Variants in TENM2 observed in about 807,000 individuals in gnomAD.
TENM2 encodes teneurin transmembrane protein 2.
A neutral mutation model predicts 245.2 loss-of-function variants in TENM2; 52 were observed. The observed-to-expected ratio is 0.21, with a 90% confidence interval of 0.17 to 0.27. TENM2 has a LOEUF of 0.27. Ranked by LOEUF, TENM2 falls within the 10% of genes least tolerant of loss-of-function variation. TENM2 has a pLI of 1.00. For missense variants in TENM2, 3,046 were observed against 3,666.8 expected (o/e 0.83, Z 4.37); for synonymous variants, 1,363 against 1,438.9 (o/e 0.95, Z 1.19).
chr5:167,433,940 A>T (rs542565665), intron 2 of TENM2, among the ~76,000 whole-genome samples: 1 of 152,292 alleles, frequency 6.6e-6, no homozygotes, highest in South Asian at 2.1e-4. Flanking sequence ...GTATAGATGT[A>T]ACTACAAAAT....
chr5:167,008,906 C>T, the TENM2 span, among the ~76,000 whole-genome samples: 1 of 152,210 alleles, frequency 6.6e-6, no homozygotes, highest in East Asian at 1.9e-4. Flanking sequence ...TTAGGGATTC[C>T]CACAACAAAG....
intron 2 of TENM2, among the ~76,000 whole-genome samples, chr5:167,753,644 G>T (rs1332816180): frequency 6.6e-6 from 1 of 152,160 alleles, no homozygotes; most frequent in Non-Finnish European, 1.5e-5. Context: ...TAAGTCACTT[G>T]CCTAAAATCA....
chr5:167,597,473 T>G (rs755239948), intron 2 of TENM2, among the ~76,000 whole-genome samples: 3 of 152,144 alleles, frequency 2.0e-5, no homozygotes, highest in Non-Finnish European at 2.9e-5. Context: ...TGAGCCACCA[T>G]GCCCCATCCC....
At chr5:167,569,078 CTTTTTTTTTT>C (rs34311803) in intron 2 of TENM2, among the ~76,000 whole-genome samples, 3 of 48,966 alleles carry the variant, frequency 6.1e-5, no homozygotes, top group East Asian at 6.7e-4. Flanking sequence ...CTTCCTACAG[CTTTTTTTTTT>C]TTTTTTTTTT....
chr5:167,478,979 ACTT>A (rs543479885), intron 2 of TENM2, among the ~76,000 whole-genome samples: 91 of 48,220 alleles, frequency 1.9e-3, no homozygotes, highest in African/African-American at 6.3e-3. Flanking sequence ...GCATATGACT[ACTT>A]TATATATATG....
chr5:167,671,884 T>C (rs1033488932), intron 2 of TENM2, among the ~76,000 whole-genome samples: 4 of 151,946 alleles, frequency 2.6e-5, no homozygotes, highest in African/African-American at 9.7e-5. Context: ...TTATGAATTC[T>C]CTGGGCTATA....
rs10587909 is a variant in TENM2 at position 167,429,607 on chromosome 5, C to CTTT, written c.502+54154_502+54156dup. 1.5e-3 allele frequency among the ~76,000 whole-genome samples: 119 copies of CTTT among 78,722 alleles called. 3 individuals are homozygous for CTTT. The highest frequency in any genetic ancestry group is 5.4e-3 in the African/African-American group (106 of 19,658). 51.6% of individuals were successfully genotyped at this position (78,722 alleles called of 152,430 possible). On this transcript the variant is annotated intron_variant, in intron 2 of 28. Transcript: ENST00000518659. The stretch of plus-strand genomic sequence containing the variant: ...AAATTCTCTTTCTCTCTCTCTCTCT[C>CTTT]TTTTTTTTTTTTTTTTTTTTTTGAC...
chr5:167,011,120 G>A, the TENM2 span, among the ~76,000 whole-genome samples: 1 of 152,136 alleles, frequency 6.6e-6, no homozygotes, highest in Non-Finnish European at 1.5e-5. Flanking sequence ...TTGAAAAGTT[G>A]ATGTTTAATT....
chr5:168,031,531 CA>C, intron 5 of TENM2, among the ~76,000 whole-genome samples: 1 of 152,184 alleles, frequency 6.6e-6, no homozygotes, highest in South Asian at 2.1e-4. Context: ...TTGAATGTGG[CA>C]ACCCCCCTGG....
chr5:167,009,238 A>G, the TENM2 span, among the ~76,000 whole-genome samples: 1 of 152,208 alleles, frequency 6.6e-6, no homozygotes, highest in African/African-American at 2.4e-5. Context: ...ACACGCACAC[A>G]TATACACACT....
chr5:167,420,342 G>A (rs934503618), intron 2 of TENM2, among the ~76,000 whole-genome samples: 2 of 152,130 alleles, frequency 1.3e-5, no homozygotes, highest in African/African-American at 4.8e-5. Flanking sequence ...TGTGGACTCC[G>A]GGATGGTGGC....
intron 2 of TENM2, among the ~76,000 whole-genome samples, chr5:167,788,168 G>A (rs1227172692): frequency 1.3e-5 from 2 of 152,156 alleles, no homozygotes; most frequent in Non-Finnish European, 2.9e-5. Context: ...AATGGGTTCA[G>A]ATCCTGATTG....
intron 3 of TENM2, among the ~76,000 whole-genome samples, chr5:167,945,350 A>G (rs1194336339): frequency 1.3e-5 from 2 of 152,232 alleles, no homozygotes; most frequent in Non-Finnish European, 2.9e-5. Flanking sequence ...TTACAGTTAA[A>G]TACAAAATTT....
chr5:167,621,489 G>T (rs924833931), intron 2 of TENM2, among the ~76,000 whole-genome samples: 4 of 152,120 alleles, frequency 2.6e-5, no homozygotes, highest in African/African-American at 9.7e-5. Flanking sequence ...GAGGGGCCAG[G>T]TCATTTAGGA....
At chr5:167,791,776 C>T (rs928294087) in intron 2 of TENM2, among the ~76,000 whole-genome samples, 24 of 151,940 alleles carry the variant, frequency 1.6e-4, no homozygotes, top group African/African-American at 5.6e-4. Context: ...GAATTAAAAA[C>T]AAAACACATC....
At chr5:167,392,753 C>T (rs536008150) in intron 2 of TENM2, among the ~76,000 whole-genome samples, 2 of 152,060 alleles carry the variant, frequency 1.3e-5, no homozygotes, top group African/African-American at 4.8e-5. Flanking sequence ...CAAAATGTAT[C>T]GAGTAATTCA....
At chr5:167,800,681 G>A (rs1445257403) in intron 2 of TENM2, among the ~76,000 whole-genome samples, 1 of 152,140 alleles carries the variant, frequency 6.6e-6, no homozygotes, top group Admixed American at 6.5e-5. Flanking sequence ...GACAAGTGCT[G>A]GCAGCCCCGT....
chr5:167,904,880 T>C (rs2151537593), intron 3 of TENM2, among the ~76,000 whole-genome samples: 1 of 152,334 alleles, frequency 6.6e-6, no homozygotes, highest in East Asian at 1.9e-4. Context: ...GGACAGTTGG[T>C]CACTTTGACT....
At chr5:168,169,849 T>C (rs907822614) in intron 13 of TENM2, among the ~76,000 whole-genome samples, 2 of 152,194 alleles carry the variant, frequency 1.3e-5, no homozygotes, top group African/African-American at 4.8e-5. Context: ...TTAATTGGGT[T>C]GGATGAGGAT....
Sources: gnomAD v4.1 joint callset for allele counts (sites outside exome capture counted in the v4.1 genomes callset) on GRCh38, gnomAD v4.1.1 for gene constraint, MANE v1.5 for transcripts, NCBI Gene and HGNC (gene_info 2026-07-23, HGNC 2026-07-21) for gene names.